The following BLK variants were observed in gnomAD, a reference collection of about 807,000 sequenced individuals.
BLK encodes the protein tyrosine-protein kinase Blk.
A neutral mutation model predicts 61.8 loss-of-function variants in BLK; 64 were observed. The ratio of observed to expected loss-of-function variants is 1.03; its 90% CI spans 0.85 to 1.27. BLK has a LOEUF of 1.27. BLK is among the 50% of genes most tolerant of loss of function. The probability of loss-of-function intolerance (pLI) is 0.00; values close to 1 mark genes in which losing one functional copy is unlikely to be tolerated. For missense variants in BLK, 853 were observed against 660.5 expected (o/e 1.29, Z -3.19); for synonymous variants, 351 against 272.0 (o/e 1.29, Z -2.86).
chr8:11,558,054 G>A lies in BLK; in HGVS notation c.1029+16G>A, dbSNP rs758282174. The A allele has an allele frequency of 6.2e-7, 1 of 1,613,758 alleles. No individual in the cohort carries two copies. The highest frequency in any genetic ancestry group is 1.1e-5 in the South Asian group (1 of 91,070). ...GTCGGCGCAGGTTGGTGAAGTACCA[G>A]GTGCAGAGAAAGGGCGGCATGTGCC... is the stretch of plus-strand genomic sequence containing the variant. On this transcript the variant is annotated intron_variant, in intron 10 of 12. Transcript: ENST00000259089.
At position 11,519,827 on chromosome 8, in the gene BLK, T is replaced by C. The variant is rs1799370644; in HGVS notation, c.-1-23397T>C. On this transcript the variant is annotated intron_variant, in intron 1 of 12. Coordinates refer to ENST00000259089, the MANE Select transcript of BLK (RefSeq NM_001715.3). ...CATTTAAACTCTACTGTATGCTGAT[T>C]TGAGTTTCATAAACAACTTGAAAAT... 2.6e-5 allele frequency among the ~76,000 whole-genome samples: 4 copies of C among 152,198 alleles called. No individual in the cohort carries two copies. In the South Asian group the frequency reaches 8.3e-4, roughly 32 times the overall value.
intron 1 of BLK, among the ~76,000 whole-genome samples, chr8:11,519,876 C>A (rs1799372212): frequency 6.6e-6 from 1 of 152,228 alleles, no homozygotes. Context: ...GCCGCCCCCA[C>A]TATCAGAAAG....
rs76404565 is a variant in BLK at position 11,563,480 on chromosome 8, C to A, written c.1312+370C>A. Among the ~76,000 whole-genome samples, 287 of 152,328 alleles carry A rather than the reference C, an allele frequency of 1.9e-3. 1 individual carries two copies. Among genetic ancestry groups the A allele is most frequent in the Non-Finnish European group, 2.6e-3 (179 of 68,024 alleles). ...AAGCCCCTTCCTGTGTGGCCAGAAT[C>A]GTGGACGACAGCCCCCAGCCCCAGT... On this transcript the variant is annotated intron_variant, in intron 12 of 12. Transcript: ENST00000259089.
intron 1 of BLK, among the ~76,000 whole-genome samples, chr8:11,537,254 G>C (rs992107888): frequency 1.3e-5 from 2 of 152,134 alleles, no homozygotes; most frequent in Non-Finnish European, 2.9e-5. Flanking sequence ...TATAGCATTG[G>C]TGGTTTGTAC....
chr8:11,543,711 T>A (rs1800493299), intron 2 of BLK, among the ~76,000 whole-genome samples: 2 of 152,134 alleles, frequency 1.3e-5, no homozygotes, highest in African/African-American at 4.8e-5. Context: ...CTGCTGGCAT[T>A]CCAAAGAGCC....
intron 2 of BLK, among the ~76,000 whole-genome samples, chr8:11,543,740 A>C (rs1483419132): frequency 6.6e-6 from 1 of 152,222 alleles, no homozygotes; most frequent in Non-Finnish European, 1.5e-5. Flanking sequence ...TGGGATAAGC[A>C]TCATGAAACA....
intron 1 of BLK, among the ~76,000 whole-genome samples, chr8:11,533,972 T>C (rs548982569): frequency 1.3e-5 from 2 of 152,346 alleles, no homozygotes; most frequent in East Asian, 3.9e-4. Context: ...TTTCAATCCT[T>C]GTCACAAGTC....
intron 1 of BLK, among the ~76,000 whole-genome samples, chr8:11,529,883 C>A (rs1337109464): frequency 6.6e-6 from 1 of 152,152 alleles, no homozygotes; most frequent in Non-Finnish European, 1.5e-5. Flanking sequence ...CCCTGTAGAA[C>A]TGACCTGAAG....
intron 1 of BLK, among the ~76,000 whole-genome samples, chr8:11,527,351 GACA>G (rs987371416): frequency 5.9e-5 from 9 of 152,244 alleles, no homozygotes; most frequent in Non-Finnish European, 7.4e-5. Context: ...AATCAAAATG[GACA>G]ACATTTTCAC....
At chr8:11,512,732 C>T (rs534272840) in intron 1 of BLK, among the ~76,000 whole-genome samples, 5 of 152,260 alleles carry the variant, frequency 3.3e-5, no homozygotes, top group Non-Finnish European at 7.4e-5. Flanking sequence ...GGCACAATCT[C>T]GGCTCACCGC....
Position 11,564,078 on chromosome 8 carries a change from C to T in BLK, c.1488C>T (p.Ala496=). The T allele has an allele frequency of 6.3e-7, 1 of 1,590,764 alleles. No homozygotes were observed. The highest frequency in any genetic ancestry group is 8.5e-7 in the Non-Finnish European group (1 of 1,173,348). ...CGGTGCTGGAGGACTTCTACACGGCCACCGAGCGGCAGTACGAGCTGCAGC... is the reference window on the plus strand; with the variant it reads ...CGGTGCTGGAGGACTTCTACACGGCTACCGAGCGGCAGTACGAGCTGCAGC... The part of the protein sequence containing the change: ...LQSVLEDFYT[A]TERQYELQP The change falls in exon 13 of 13, where the codon GCC becomes GCT. Residue 496 remains alanine (A), a synonymous_variant. Transcript: ENST00000259089.
intron 1 of BLK, among the ~76,000 whole-genome samples, chr8:11,520,571 C>G (rs1366192863): frequency 6.6e-6 from 1 of 150,968 alleles, no homozygotes; most frequent in Non-Finnish European, 1.5e-5. Flanking sequence ...TCAAAGGCAT[C>G]CCTGTAAAAG....
intron 10 of BLK, chr8:11,560,314 CATAG>C (rs1801446985): frequency 5.2e-6 from 1 of 192,812 alleles, no homozygotes; most frequent in Non-Finnish European, 9.9e-6. Flanking sequence ...TGGAAGGATG[CATAG>C]ATGGATGGAT....
chr8:11,548,912 C>G lies in BLK; in HGVS notation c.270-112C>G. 3.1e-6 allele frequency: 3 copies of G among 956,370 alleles called. No homozygotes were observed. The South Asian group carries it at 4.2e-5, about 13-fold the overall frequency. 59.2% of individuals were successfully genotyped at this position (956,370 alleles called of 1,614,324 possible). Reference sequence around the variant, plus strand: ...TTCCTGCCTGCCGTACTCTCTACCCCTGCGGATTCTCTGCCCTCCAGGGAG... The same window carrying G: ...TTCCTGCCTGCCGTACTCTCTACCCGTGCGGATTCTCTGCCCTCCAGGGAG... On this transcript the variant is annotated intron_variant, in intron 4 of 12. Transcript: ENST00000259089.
At chr8:11,560,008 C>A (rs1399814147) in intron 10 of BLK, 2 of 364,088 alleles carry the variant, frequency 5.5e-6, no homozygotes, top group East Asian at 7.3e-5. Flanking sequence ...GTTATCAGAA[C>A]GAGTACTGTT....
chr8:11,522,912 A>G (rs1799512122), intron 1 of BLK, among the ~76,000 whole-genome samples: 1 of 152,170 alleles, frequency 6.6e-6, no homozygotes, highest in African/African-American at 2.4e-5. Flanking sequence ...TTAATTTTGG[A>G]GAGAAAGAGA....
At chr8:11,559,046 G>A (rs1279596985) in intron 10 of BLK, 1 of 455,028 alleles carries the variant, frequency 2.2e-6, no homozygotes, top group Non-Finnish European at 4.4e-6. Context: ...TGATAAGCCT[G>A]CCCACTGCTG....
intron 1 of BLK, among the ~76,000 whole-genome samples, chr8:11,498,825 G>A (rs555906803): frequency 6.6e-6 from 1 of 152,270 alleles, no homozygotes; most frequent in East Asian, 1.9e-4. Flanking sequence ...AAATTACAAA[G>A]CCCTAATTTT....
chr8:11,542,650 G>C (rs1225650382), intron 1 of BLK, among the ~76,000 whole-genome samples: 2 of 152,134 alleles, frequency 1.3e-5, no homozygotes, highest in African/African-American at 4.8e-5. Context: ...CCCCTTTAAG[G>C]AGACCCCTGA....
Sources: allele counts gnomAD v4.1 joint callset (sites outside exome capture counted in the v4.1 genomes callset), GRCh38; gene constraint gnomAD v4.1.1; transcripts MANE v1.5; gene names NCBI Gene and HGNC (gene_info 2026-07-23, HGNC 2026-07-21).